Variants in OR6P1 observed in about 807,000 individuals in gnomAD.
OR6P1 encodes the protein olfactory receptor 6P1.
A neutral mutation model predicts 6.6 loss-of-function variants in OR6P1; 5 were observed. The observed-to-expected ratio is 0.76, with a 90% CI of 0.40 to 1.60. The LOEUF (loss-of-function observed/expected upper bound fraction) is 1.60, where lower values mean the gene tolerates loss of function less well. Ranked by LOEUF, OR6P1 falls within the 40% of genes most tolerant of loss-of-function variation. The probability of loss-of-function intolerance (pLI) is 0.02; values close to 1 mark genes in which losing one functional copy is unlikely to be tolerated. For missense variants in OR6P1, 451 were observed against 383.0 expected, an observed-to-expected ratio of 1.18 and a Z score of -1.48; for synonymous variants, 177 against 149.6, an observed-to-expected ratio of 1.18 and a Z score of -1.33.
chr1:158,563,690 T>G (rs1323358038), intron 2 of OR6P1, 64 bp from the exon 3 acceptor site: 10 of 796,222 alleles, frequency 1.3e-5, no homozygotes, highest in Non-Finnish European at 2.0e-5. Context: ...ACCAACATAC[T>G]CTCACAGGTT....
chr1:158,568,666 C>T lies in OR6P1; in HGVS notation c.-118+1776G>A, dbSNP rs1362292920. ...TTCAACATTACCCTCCCCTTTACTC[C>T]TGTTTTCCATTCCTCTCATTTATTC... On this transcript the variant is annotated intron_variant, in intron 1 of 2. Transcript: ENST00000641540. 6.6e-5 allele frequency among the ~76,000 whole-genome samples: 10 copies of T among 152,144 alleles called. No homozygotes were observed. In the East Asian group the frequency reaches 1.9e-3, roughly 29 times the overall value.
chr1:158,569,119 T>G (rs1473315983), intron 1 of OR6P1, among the ~76,000 whole-genome samples: 1 of 152,222 alleles, frequency 6.6e-6, no homozygotes, highest in Admixed American at 6.5e-5. Context: ...TTGTCATTCC[T>G]ACTTCACTAG....
Position 158,562,733 on chromosome 1 carries a change from CAGT to C in OR6P1, c.869_871del (p.Tyr290del). ...CTCCTTCACCTCCTTGTTCCTCAGG[CAGT>C]AGATGGCTGGGTTGAAGAATGGTAC... On this transcript the variant is annotated inframe_deletion, in exon 3 of 3. Coordinates refer to ENST00000641540, the MANE Select transcript of OR6P1 (RefSeq NM_001160325.2). 6.4e-7 allele frequency: 1 copy of C among 1,561,096 alleles called. No homozygotes were observed. The highest frequency in any genetic ancestry group is 1.7e-4 in the Middle Eastern group (1 of 6,008).
chr1:158,565,307 T>C (rs1294347734), intron 2 of OR6P1, among the ~76,000 whole-genome samples: 2 of 152,210 alleles, frequency 1.3e-5, no homozygotes, highest in Non-Finnish European at 2.9e-5. Flanking sequence ...TGAAATCTAA[T>C]GAAATCTAAA....
chr1:158,567,620 A>G (rs1648130369), intron 1 of OR6P1, among the ~76,000 whole-genome samples: 1 of 137,672 alleles, frequency 7.3e-6, no homozygotes, highest in Admixed American at 7.5e-5. Flanking sequence ...CAGGAAGGGG[A>G]ACATCACACT....
Position 158,563,445 on chromosome 1 carries a change from T to G in OR6P1, c.160A>C (p.Ser54Arg). 6.4e-7 allele frequency: 1 copy of G among 1,551,256 alleles called. No homozygotes were observed. The highest frequency in any genetic ancestry group is 2.0e-5 in the Admixed American group (1 of 50,900). Reference sequence around the variant, plus strand: ...AAAAAGTACATGGGACGATGAAGGCTTGGAGCAAGCCATATTGTGAAGACA... The same window carrying G: ...AAAAAGTACATGGGACGATGAAGGCGTGGAGCAAGCCATATTGTGAAGACA... ...LIVFTIWLAP[S>R]LHRPMYFFLG... is the part of the protein sequence containing the mutation. The change falls in exon 3 of 3, where the codon AGC (serine) becomes CGC (arginine). Residue 54 changes from serine to arginine, a missense_variant. Transcript: ENST00000641540.
rs1162113058 is a variant in OR6P1 at position 158,563,564 on chromosome 1, A to G, written c.41T>C (p.Leu14Ser). The change falls in exon 3 of 3, where the codon TTG becomes TCG. Residue 14 changes from leucine to serine, a missense_variant. By Grantham distance (145) the Leu-to-Ser change is moderately radical (BLOSUM62 -2). Transcript: ENST00000641540. The stretch of plus-strand genomic sequence containing the variant: ...GGGAGGCGTGGTAGGGAAACCCACC[A>G]AGACAAACTCCTCGACATGGCCTCC... Reference protein sequence around the residue: ...LSGGHVEEFVLVGFPTTPPLQ... With the variant: ...LSGGHVEEFVSVGFPTTPPLQ... 1.3e-6 allele frequency: 2 copies of G among 1,550,036 alleles called. No individual in the cohort carries two copies. The highest frequency in any genetic ancestry group is 1.4e-5 in the African/African-American group (1 of 72,806).
At position 158,569,863 on chromosome 1, in the gene OR6P1, G is replaced by A. The variant is rs116475171; in HGVS notation, c.-118+579C>T. Among the ~76,000 whole-genome samples the A allele has an allele frequency of 3.6e-3, 554 of 152,224 alleles. 1 individual carries two copies. Among genetic ancestry groups the A allele is most frequent in the African/African-American group, 0.013 (534 of 41,528 alleles). On this transcript the variant is annotated intron_variant, in intron 1 of 2. Coordinates refer to ENST00000641540, the MANE Select transcript of OR6P1 (RefSeq NM_001160325.2). The stretch of plus-strand genomic sequence containing the variant: ...ACCTCTATCCTGTACATCTTCCATG[G>A]AAATAAGTAAATGTCCATGGTTATA...
At chr1:158,568,411 C>T (rs1162238555) in intron 1 of OR6P1, among the ~76,000 whole-genome samples, 1 of 152,110 alleles carries the variant, frequency 6.6e-6, no homozygotes, top group Non-Finnish European at 1.5e-5. Flanking sequence ...GAGGATTCTA[C>T]CATTAGCCTG....
chr1:158,562,670 G>A lies in OR6P1; in HGVS notation c.935C>T (p.Pro312Leu), dbSNP rs41273495. 15,609 of 1,552,048 alleles carry A rather than the reference G, an allele frequency of 0.01. 106 individuals carry two copies. The highest frequency in any genetic ancestry group is 0.012 in the Non-Finnish European group (13,339 of 1,146,206). The change falls in exon 3 of 3, where the codon CCT becomes CTT. Residue 312 changes from proline to leucine, a missense_variant. By Grantham distance (98) the Pro-to-Leu change is moderately conservative (BLOSUM62 -3). Coordinates refer to ENST00000641540, the MANE Select transcript of OR6P1 (RefSeq NM_001160325.2). ...RKTVMGRCHY[P>L]RDVQD ...TGTATATCAGTCCTGAACATCCCTAGGATAGTGACATCTGCCCATCACTGT... is the reference window on the plus strand; with the variant it reads ...TGTATATCAGTCCTGAACATCCCTAAGATAGTGACATCTGCCCATCACTGT...
In OR6P1 at chr1:158,566,593, G is replaced by A. The variant is rs181359442; in HGVS notation, c.-23+171C>T. 2.8e-3 allele frequency among the ~76,000 whole-genome samples: 424 copies of A among 152,226 alleles called. 4 individuals are homozygous for A. Among genetic ancestry groups the A allele is most frequent in the Middle Eastern group, 0.01 (3 of 294 alleles). ...AACAGAGCAGTAGCAAATCATAGTA[G>A]GCACTCAATAAATATTAGTGGAATG... On this transcript the variant is annotated intron_variant, in intron 2 of 2. Transcript: ENST00000641540.
rs77921502 is a variant in OR6P1 at position 158,568,167 on chromosome 1, C to T, written c.-117-1309G>A. 6.5e-3 allele frequency among the ~76,000 whole-genome samples: 985 copies of T among 152,248 alleles called. 10 individuals are homozygous for T. Among genetic ancestry groups the T allele is most frequent in the African/African-American group, 0.022 (907 of 41,550 alleles). The stretch of plus-strand genomic sequence containing the variant: ...CTGTTCTTTTATTCTTTTCCTGCTC[C>T]CAGTCTGCCCTCCCTGTTTGAAGAG... On this transcript the variant is annotated intron_variant, in intron 1 of 2. Transcript: ENST00000641540.
chr1:158,565,189 C>T (rs1049738148), intron 2 of OR6P1, among the ~76,000 whole-genome samples: 4 of 152,222 alleles, frequency 2.6e-5, no homozygotes, highest in African/African-American at 9.6e-5. Context: ...GGCACAACAT[C>T]TACTTTTTAT....
intron 2 of OR6P1, among the ~76,000 whole-genome samples, chr1:158,566,220 G>GA (rs1284395726): frequency 1.3e-5 from 2 of 152,096 alleles, no homozygotes; most frequent in Non-Finnish European, 2.9e-5. Context: ...GAAGATGAGA[G>GA]AATCAGTCCT....
intron 1 of OR6P1, among the ~76,000 whole-genome samples, chr1:158,568,701 C>T (rs891344840): frequency 6.6e-6 from 1 of 152,184 alleles, no homozygotes; most frequent in Non-Finnish European, 1.5e-5. Flanking sequence ...CCTCCAGTCA[C>T]AGCAGAGTTC....
intron 1 of OR6P1, among the ~76,000 whole-genome samples, chr1:158,568,997 G>C (rs1022596529): frequency 1.3e-5 from 2 of 152,048 alleles, no homozygotes; most frequent in African/African-American, 2.4e-5. Context: ...AAATAAATAA[G>C]GTAATACTTT....
rs141627797 is a variant in OR6P1, at chr1:158,566,151, G to C, written c.-23+613C>G. ...CTTGTTAAAAAAAAATTAAAGAGAAGTGGGAAAGGAAAGGACACTTTCTCT... is the reference window on the plus strand; with the variant it reads ...CTTGTTAAAAAAAAATTAAAGAGAACTGGGAAAGGAAAGGACACTTTCTCT... On this transcript the variant is annotated intron_variant, in intron 2 of 2. Transcript: ENST00000641540. Among the ~76,000 whole-genome samples the C allele has an allele frequency of 5.8e-3, 876 of 152,280 alleles. 13 individuals carry two copies. The highest frequency in any genetic ancestry group is 0.02 in the African/African-American group (830 of 41,572).
rs1366616647 is a variant in OR6P1 at position 158,563,609 on chromosome 1, C to G, written c.-5G>C. Reference sequence around the variant, plus strand: ...GCCTCCACTCAAATTTCTCATGGCTCTCTGTCCACTTGAGTGCCTAAAATA... The same window carrying G: ...GCCTCCACTCAAATTTCTCATGGCTGTCTGTCCACTTGAGTGCCTAAAATA... On this transcript the variant is annotated 5_prime_UTR_variant, in exon 3 of 3. Transcript: ENST00000641540. The G allele has an allele frequency of 1.2e-5, 18 of 1,523,200 alleles. No homozygotes were observed. Among genetic ancestry groups the G allele is most frequent in the Non-Finnish European group, 1.5e-5 (17 of 1,133,850 alleles). 94.4% of individuals were successfully genotyped at this position (1,523,200 alleles called of 1,614,324 possible).
In OR6P1 at chr1:158,563,553, G is replaced by A. The variant is rs1301370490; in HGVS notation, c.52C>T (p.Pro18Ser). 8 of 1,550,550 alleles carry A rather than the reference G, an allele frequency of 5.2e-6. No homozygotes were observed. Among genetic ancestry groups the A allele is most frequent in the Non-Finnish European group, 6.1e-6 (7 of 1,146,674 alleles). ...HVEEFVLVGFPTTPPLQLLLF... is the reference protein window; with the variant it reads ...HVEEFVLVGFSTTPPLQLLLF... ...AGCAGCTGGAGGGGAGGCGTGGTAG[G>A]GAAACCCACCAAGACAAACTCCTCG... The change falls in exon 3 of 3, where the codon CCT becomes TCT. Residue 18 changes from proline (P) to serine (S), a missense_variant. Pro to Ser is a moderately conservative substitution (Grantham distance 74). Transcript: ENST00000641540.
Sources: gnomAD v4.1 joint callset for allele counts (sites outside exome capture counted in the v4.1 genomes callset) on GRCh38, gnomAD v4.1.1 for gene constraint, MANE v1.5 for transcripts, NCBI Gene and HGNC (gene_info 2026-07-23, HGNC 2026-07-21) for gene names.